Variants in DMD observed in about 807,000 individuals in gnomAD.
DMD encodes mutant dystrophin.
In DMD, 63 loss-of-function variants were observed where a neutral mutation model predicts 330.1. The ratio of observed to expected loss-of-function variants is 0.19; its 90% CI spans 0.16 to 0.24. DMD has a LOEUF of 0.24. Ranked by LOEUF, DMD falls within the 10% of genes least tolerant of loss-of-function variation. The pLI is 1.00. For missense variants in DMD, 3,344 were observed against 2,684.1 expected (o/e 1.25, Z -5.43); for synonymous variants, 1,223 against 959.8 (o/e 1.27, Z -5.07).
At chrX:31,511,497 A>C (rs796237674) in intron 55 of DMD, among the ~76,000 whole-genome samples, 165 of 55,556 alleles carry the variant, frequency 3.0e-3, no homozygotes, top group Non-Finnish European at 4.3e-3. Context: ...CCCACCCCAC[A>C]ACAGTCCCCA....
chrX:33,299,364 T>C (rs2148936780), intron 1 of DMD, among the ~76,000 whole-genome samples: 1 of 111,839 alleles, frequency 8.9e-6, no homozygotes, highest in African/African-American at 3.2e-5. Flanking sequence ...ATCATCTACC[T>C]TAAATAGGTG....
At chrX:33,310,972 A>G (rs775198956) in intron 1 of DMD, among the ~76,000 whole-genome samples, 94 of 110,830 alleles carry the variant, frequency 8.5e-4, no homozygotes, top group African/African-American at 2.8e-3. Context: ...ACAAGAATGA[A>G]TCGAGAGTTT....
At chrX:31,949,234 A>G (rs2095127736) in intron 45 of DMD, among the ~76,000 whole-genome samples, 1 of 111,500 alleles carries the variant, frequency 9.0e-6, no homozygotes, top group Admixed American at 9.5e-5. Flanking sequence ...AATCTATAGA[A>G]CAAGTTGGGG....
intron 2 of DMD, among the ~76,000 whole-genome samples, chrX:32,856,588 CATATGCAGTAACTAAAAATTA>C (rs1454962083): frequency 8.9e-6 from 1 of 111,984 alleles, no homozygotes; most frequent in African/African-American, 3.2e-5. Flanking sequence ...TGGGCTCACT[CATATGCAGTAACTAAAAATTA>C]AAGCAATTGA....
intron 1 of DMD, among the ~76,000 whole-genome samples, chrX:33,049,591 GCC>G (rs1409571665): frequency 8.9e-4 from 99 of 110,862 alleles, no homozygotes; most frequent in African/African-American, 3.0e-3. Flanking sequence ...TGCATAGACT[GCC>G]TTTTTTTTTG....
chrX:31,453,107 G>C (rs1399728657), intron 59 of DMD, among the ~76,000 whole-genome samples: 3 of 111,609 alleles, frequency 2.7e-5, no homozygotes, highest in Non-Finnish European at 5.7e-5. Context: ...ATAGAATGGT[G>C]GTTTCCAGGG....
chrX:31,641,770 G>T (rs1256455992), intron 54 of DMD, among the ~76,000 whole-genome samples: 5 of 111,803 alleles, frequency 4.5e-5, no homozygotes, highest in Non-Finnish European at 7.5e-5. Context: ...AATTAGAATG[G>T]ATTTTTAATT....
intron 43 of DMD, among the ~76,000 whole-genome samples, chrX:32,230,514 G>A (rs1394339974): frequency 6.2e-5 from 7 of 112,024 alleles, no homozygotes; most frequent in Non-Finnish European, 1.1e-4. Flanking sequence ...CAAAGTGCTG[G>A]GATTACAGGC....
chrX:33,290,428 T>A (rs944725794), intron 1 of DMD, among the ~76,000 whole-genome samples: 5 of 111,425 alleles, frequency 4.5e-5, no homozygotes, highest in Non-Finnish European at 9.4e-5. Context: ...GGCTCCTTAT[T>A]TTTTTGGTTA....
chrX:32,496,890 A>T (rs972676127), intron 19 of DMD, among the ~76,000 whole-genome samples: 29 of 112,682 alleles, frequency 2.6e-4, no homozygotes, highest in Admixed American at 2.1e-3. Context: ...AGAAGAGGAA[A>T]TATATGCAAC....
chrX:33,209,519 T>C (rs1320161206), intron 1 of DMD, among the ~76,000 whole-genome samples: 1 of 111,917 alleles, frequency 8.9e-6, no homozygotes, highest in Non-Finnish European at 1.9e-5. Flanking sequence ...AGGGTAACTG[T>C]TTTGGTTAAA....
In DMD at chrX:32,912,045, G is replaced by GAGAA. The variant is rs1557136238; in HGVS notation, c.94-62226_94-62225insTTCT. On this transcript the variant is annotated intron_variant, in intron 2 of 78. Coordinates refer to ENST00000357033, the MANE Select transcript of DMD (RefSeq NM_004006.3). ...GGAGAGAAGGGGAGAGAGAGAGAGAGAGAGAGAGAGAGAAGGAGGAGGATG... is the reference window on the plus strand; with the variant it reads ...GGAGAGAAGGGGAGAGAGAGAGAGAGAGAAAGAGAGAGAGAGAAGGAGGAGGATG... 4.6e-3 allele frequency among the ~76,000 whole-genome samples: 455 copies of GAGAA among 99,347 alleles called. 1 individual carries two copies. Among genetic ancestry groups the GAGAA allele is most frequent in the Middle Eastern group, 0.019 (4 of 206 alleles). 86.3% of individuals were successfully genotyped at this position (99,347 alleles called of 115,157 possible).
chrX:32,697,002 C>G (rs768747681), intron 9 of DMD, among the ~76,000 whole-genome samples: 25 of 111,868 alleles, frequency 2.2e-4, no homozygotes, highest in Non-Finnish European at 4.0e-4. Flanking sequence ...AAAATGTACA[C>G]ATTTTTTAGC....
intron 63 of DMD, among the ~76,000 whole-genome samples, chrX:31,238,367 A>C (rs1471222231): frequency 2.7e-5 from 3 of 111,862 alleles, no homozygotes; most frequent in Non-Finnish European, 5.6e-5. Context: ...GGACAAAACT[A>C]CTTGAGGATA....
intron 44 of DMD, among the ~76,000 whole-genome samples, chrX:32,135,487 T>G (rs1346668540): frequency 8.9e-6 from 1 of 112,383 alleles, no homozygotes; most frequent in East Asian, 2.8e-4. Flanking sequence ...TCTCGGCATT[T>G]TGGGAGGCCA....
At chrX:32,408,012 T>C (rs1451001196) in intron 30 of DMD, among the ~76,000 whole-genome samples, 2 of 104,608 alleles carry the variant, frequency 1.9e-5, no homozygotes, top group Non-Finnish European at 3.9e-5. Context: ...TTAGGAGATA[T>C]ACCTAATGTT....
At chrX:32,753,722 C>T (rs376913517) in intron 7 of DMD, among the ~76,000 whole-genome samples, 1 of 112,299 alleles carries the variant, frequency 8.9e-6, no homozygotes, top group African/African-American at 3.2e-5. Flanking sequence ...TATCATATTT[C>T]TGTTAATTTA....
At chrX:32,935,172 G>GT (rs2089913699) in intron 2 of DMD, among the ~76,000 whole-genome samples, 1 of 112,802 alleles carries the variant, frequency 8.9e-6, no homozygotes, top group Non-Finnish European at 1.9e-5. Context: ...TAGAGACGGG[G>GT]TTTCACCGTG....
intron 2 of DMD, among the ~76,000 whole-genome samples, chrX:32,965,188 A>T (rs1225999965): frequency 9.0e-6 from 1 of 111,510 alleles, no homozygotes; most frequent in Non-Finnish European, 1.9e-5. Flanking sequence ...GTATTTGATG[A>T]TATTAAGCAA....
Sources: gnomAD v4.1 joint callset for allele counts (sites outside exome capture counted in the v4.1 genomes callset) on GRCh38, gnomAD v4.1.1 for gene constraint, MANE v1.5 for transcripts, NCBI Gene and HGNC (gene_info 2026-07-23, HGNC 2026-07-21) for gene names.